Variants in GRIN2B observed in about 807,000 individuals in gnomAD.
The protein encoded by GRIN2B is glutamate ionotropic receptor NMDA type subunit 2B.
A neutral mutation model predicts 114.5 loss-of-function variants in GRIN2B; 5 were observed. That is an observed-to-expected ratio of 0.04 (90% CI 0.02 to 0.09). GRIN2B has a LOEUF of 0.09. GRIN2B is among the 10% of genes least tolerant of loss of function. GRIN2B has a pLI of 1.00. For missense variants in GRIN2B, 1,108 were observed against 1,943.5 expected, an observed-to-expected ratio of 0.57 and a Z score of 8.08; for synonymous variants, 787 against 745.1, an observed-to-expected ratio of 1.06 and a Z score of -0.92.
chr12:13,930,826 C>G (rs995390517), intron 2 of GRIN2B, among the ~76,000 whole-genome samples: 1 of 152,088 alleles, frequency 6.6e-6, no homozygotes, highest in East Asian at 1.9e-4. Context: ...GTCCAAACCA[C>G]AGCCCCCCAA....
intron 2 of GRIN2B, among the ~76,000 whole-genome samples, chr12:13,977,825 C>T (rs1297626540): frequency 6.6e-6 from 1 of 152,166 alleles, no homozygotes; most frequent in African/African-American, 2.4e-5. Context: ...CCACCTGTGG[C>T]GATTCCTCCT....
chr12:13,636,841 T>C (rs755292435), intron 5 of GRIN2B, among the ~76,000 whole-genome samples: 1 of 152,196 alleles, frequency 6.6e-6, no homozygotes, highest in Non-Finnish European at 1.5e-5. Context: ...CTCTGTTAAA[T>C]GGAGATATTA....
intron 5 of GRIN2B, among the ~76,000 whole-genome samples, chr12:13,629,260 G>GT (rs1194415888): frequency 2.0e-5 from 3 of 152,182 alleles, no homozygotes; most frequent in Non-Finnish European, 2.9e-5. Context: ...GAAGAAAATA[G>GT]TTTTTTGTCA....
At chr12:13,876,587 C>A (rs778701883) in intron 2 of GRIN2B, among the ~76,000 whole-genome samples, 1 of 152,182 alleles carries the variant, frequency 6.6e-6, no homozygotes, top group Non-Finnish European at 1.5e-5. Flanking sequence ...CACCTACTTC[C>A]TCACTCCCTC....
chr12:13,780,926 ATTT>A (rs887147697), intron 3 of GRIN2B, among the ~76,000 whole-genome samples: 1 of 152,082 alleles, frequency 6.6e-6, no homozygotes, highest in Non-Finnish European at 1.5e-5. Context: ...AATGGAATAA[ATTT>A]TATAGATGTA....
At position 13,542,225 on chromosome 12, in the gene GRIN2B, G is replaced by T. The variant is rs1181143017; in HGVS notation, c.*20558C>A. The T allele has an allele frequency of 1.3e-5, 2 of 151,796 alleles. No individual in the cohort carries two copies. Among genetic ancestry groups the T allele is most frequent in the Non-Finnish European group, 2.9e-5 (2 of 68,006 alleles). The allele number at this position is 151,796 out of a possible 1,614,324, so 9.4% of individuals were successfully genotyped here. Reference sequence around the variant, plus strand: ...AGCAGAATTGGGCAGAAGCAAAGTTGCTTTCCAATCCTTTTTATTTGATTT... The same window carrying T: ...AGCAGAATTGGGCAGAAGCAAAGTTTCTTTCCAATCCTTTTTATTTGATTT... On this transcript the variant is annotated 3_prime_UTR_variant, in exon 14 of 14. Coordinates refer to ENST00000609686, the MANE Select transcript of GRIN2B (RefSeq NM_000834.5).
intron 2 of GRIN2B, among the ~76,000 whole-genome samples, chr12:13,968,588 T>A (rs1467961200): frequency 6.6e-6 from 1 of 152,218 alleles, no homozygotes; most frequent in East Asian, 1.9e-4. Context: ...TTTTAAAATA[T>A]GCATGTGGTA....
chr12:13,685,937 G>C (rs1384293337), intron 4 of GRIN2B, among the ~76,000 whole-genome samples: 2 of 152,106 alleles, frequency 1.3e-5, no homozygotes, highest in African/African-American at 4.8e-5. Flanking sequence ...TCTAACAGTA[G>C]GGTTGGTTTT....
chr12:13,569,085 G>T (rs1948675674), intron 12 of GRIN2B, among the ~76,000 whole-genome samples: 1 of 152,128 alleles, frequency 6.6e-6, no homozygotes, highest in Non-Finnish European at 1.5e-5. Context: ...GAGATGACTG[G>T]ATGAAACATC....
Position 13,557,194 on chromosome 12 carries a change from C to A in GRIN2B, c.*5589G>T, listed in dbSNP as rs1223753691. 1 of 152,090 alleles carries A rather than the reference C, an allele frequency of 6.6e-6. No homozygotes were observed. The highest frequency in any genetic ancestry group is 2.1e-4 in the South Asian group (1 of 4,824). The allele number at this position is 152,090 out of a possible 1,614,324, so 9.4% of individuals were successfully genotyped here. On this transcript the variant is annotated 3_prime_UTR_variant, in exon 14 of 14. Transcript: ENST00000609686. ...TTATACAATACTGCAACCCCACCCC[C>A]CAAACTAGAATAGAATCCTAGATTC...
chr12:13,972,709 TCA>T (rs1349424130), intron 2 of GRIN2B, among the ~76,000 whole-genome samples: 1 of 152,194 alleles, frequency 6.6e-6, no homozygotes, highest in Non-Finnish European at 1.5e-5. Context: ...AGGACTATTT[TCA>T]CAGTTTTTAA....
rs1306975897 is a variant in GRIN2B, at chr12:13,551,154, T to C, written c.*11629A>G. On this transcript the variant is annotated 3_prime_UTR_variant, in exon 14 of 14. Transcript: ENST00000609686. ...GGGAGAGAGAGAACAGATAAATTATTGAATCCGTGAAGGCATTTATCCCTA... is the reference window on the plus strand; with the variant it reads ...GGGAGAGAGAGAACAGATAAATTATCGAATCCGTGAAGGCATTTATCCCTA... 6.6e-6 allele frequency: 1 copy of C among 152,150 alleles called. No homozygotes were observed. The highest frequency in any genetic ancestry group is 1.5e-5 in the Non-Finnish European group (1 of 68,014). The allele number at this position is 152,150 out of a possible 1,614,324, so 9.4% of individuals were successfully genotyped here.
intron 3 of GRIN2B, among the ~76,000 whole-genome samples, chr12:13,761,592 G>C (rs1863681156): frequency 1.3e-5 from 2 of 152,156 alleles, no homozygotes; most frequent in South Asian, 4.1e-4. Context: ...AAGGTATCGG[G>C]ACCACTAAAA....
chr12:13,818,889 C>T (rs1043211739), intron 3 of GRIN2B, among the ~76,000 whole-genome samples: 2 of 152,142 alleles, frequency 1.3e-5, no homozygotes, highest in Non-Finnish European at 2.9e-5. Flanking sequence ...CAACCCTAGC[C>T]CTGCCCATGA....
At position 13,880,750 on chromosome 12, in the gene GRIN2B, G is replaced by A. The variant is rs370702528; in HGVS notation, c.-18-14524C>T. On this transcript the variant is annotated intron_variant, in intron 2 of 13. Transcript: ENST00000609686. ...CTTCTCTACACGAAAACTTCCCTCT[G>A]CTCACATGAACCTAAGTACAATGAC... Among the ~76,000 whole-genome samples, 19 of 152,288 alleles carry A rather than the reference G, an allele frequency of 1.2e-4. No homozygotes were observed. In the East Asian group the frequency reaches 3.3e-3, roughly 26 times the overall value.
At chr12:13,667,634 C>T (rs1354356880) in intron 5 of GRIN2B, among the ~76,000 whole-genome samples, 1 of 152,102 alleles carries the variant, frequency 6.6e-6, no homozygotes, top group Non-Finnish European at 1.5e-5. Flanking sequence ...CATTAAGTTT[C>T]ATGCTTTTGA....
chr12:13,572,021 A>AG (rs1948715411), intron 10 of GRIN2B, 57 bp from the exon 11 acceptor site: 4 of 1,393,488 alleles, frequency 2.9e-6, no homozygotes, highest in Non-Finnish European at 4.0e-6. Context: ...AGAGAGAGAG[A>AG]AAAGTCATTT....
chr12:13,609,270 C>T (rs184156177), intron 9 of GRIN2B, among the ~76,000 whole-genome samples: 2 of 152,322 alleles, frequency 1.3e-5, no homozygotes, highest in East Asian at 3.9e-4. Flanking sequence ...CTTCCAAAAA[C>T]ATCAGCAAGA....
At chr12:13,880,994 TTG>T (rs144197797) in intron 2 of GRIN2B, among the ~76,000 whole-genome samples, 1,848 of 148,834 alleles carry the variant, frequency 0.012, 36 homozygotes, top group African/African-American at 0.042. Flanking sequence ...GGGTATAAGG[TTG>T]TGTGTGTGTG....
Sources: allele counts gnomAD v4.1 joint callset (sites outside exome capture counted in the v4.1 genomes callset), GRCh38; gene constraint gnomAD v4.1.1; transcripts MANE v1.5; gene names NCBI Gene and HGNC (gene_info 2026-07-23, HGNC 2026-07-21).